GPM6A: variants seen among roughly 807,000 people sequenced by gnomAD.
The protein encoded by GPM6A is glycoprotein M6A.
Under a neutral mutation model 32.1 loss-of-function variants are expected in GPM6A, and 7 were observed. That is an observed-to-expected ratio of 0.22 (90% CI 0.12 to 0.41). The LOEUF is 0.41. GPM6A is among the 10% of genes least tolerant of loss of function. The pLI is 1.00. For synonymous variants in GPM6A, 130 were observed against 123.4 expected (o/e 1.05, Z -0.35); for missense variants, 235 against 347.2 (o/e 0.68, Z 2.57).
At chr4:175,706,374 C>T (rs1745193412) in intron 1 of GPM6A, among the ~76,000 whole-genome samples, 1 of 151,886 alleles carries the variant, frequency 6.6e-6, no homozygotes, top group African/African-American at 2.4e-5. Context: ...TGCATCAAAA[C>T]AAATAAAGGG....
chr4:175,733,204 T>C (rs1410582930), intron 1 of GPM6A, among the ~76,000 whole-genome samples: 1 of 152,050 alleles, frequency 6.6e-6, no homozygotes, highest in African/African-American at 2.4e-5. Flanking sequence ...GTTCAAACTA[T>C]GGTTAAAAAA....
intron 1 of GPM6A, among the ~76,000 whole-genome samples, chr4:175,714,559 T>A (rs1351334584): frequency 7.3e-6 from 1 of 136,390 alleles, no homozygotes; most frequent in Non-Finnish European, 1.6e-5. Context: ...ACCAAGACTT[T>A]CAATGCATTG....
chr4:175,738,277 A>T (rs1400128636), intron 1 of GPM6A, among the ~76,000 whole-genome samples: 1 of 151,980 alleles, frequency 6.6e-6, no homozygotes, highest in East Asian at 1.9e-4. Flanking sequence ...TTCAACATGA[A>T]ATTTGGAGGG....
intron 1 of GPM6A, among the ~76,000 whole-genome samples, chr4:175,982,579 A>T (rs2126444662): frequency 6.6e-6 from 1 of 152,210 alleles, no homozygotes; most frequent in East Asian, 1.9e-4. Context: ...TTATCTCTAG[A>T]GTTTGTTCTC....
At chr4:175,756,172 G>C (rs1732517484) in intron 1 of GPM6A, among the ~76,000 whole-genome samples, 1 of 152,002 alleles carries the variant, frequency 6.6e-6, no homozygotes, top group African/African-American at 2.4e-5. Context: ...AAGACTTAAG[G>C]AAAGAAGAGA....
At chr4:175,943,674 G>A (rs79828105) in intron 1 of GPM6A, among the ~76,000 whole-genome samples, 8,281 of 152,208 alleles carry the variant, frequency 0.054, 694 homozygotes, top group African/African-American at 0.18. Flanking sequence ...TTATGTGATG[G>A]ATGATGTGTA....
At chr4:175,696,544 A>G (rs1579395892) in intron 2 of GPM6A, among the ~76,000 whole-genome samples, 2 of 152,228 alleles carry the variant, frequency 1.3e-5, no homozygotes, top group East Asian at 1.9e-4. Flanking sequence ...AAAGTTAGGA[A>G]TTCAGTATGG....
At chr4:175,650,306 ATTTATTTATT>A (rs1327731110) in intron 4 of GPM6A, among the ~76,000 whole-genome samples, 4 of 144,856 alleles carry the variant, frequency 2.8e-5, no homozygotes, top group Non-Finnish European at 6.0e-5. Context: ...TTATTTATTT[ATTTATTTATT>A]TATTTTGAGA....
intron 1 of GPM6A, among the ~76,000 whole-genome samples, chr4:175,810,517 T>C (rs925476462): frequency 1.6e-4 from 24 of 152,124 alleles, no homozygotes; most frequent in African/African-American, 5.3e-4. Context: ...AGAAAGCTTT[T>C]CAGTGTTACC....
intron 1 of GPM6A, among the ~76,000 whole-genome samples, chr4:175,925,864 T>G (rs1240609085): frequency 1.3e-5 from 2 of 150,880 alleles, no homozygotes; most frequent in Non-Finnish European, 3.0e-5. Context: ...TTTTTTTTTT[T>G]TCTTTGAGAG....
intron 1 of GPM6A, among the ~76,000 whole-genome samples, chr4:175,732,785 C>T (rs1263489551): frequency 6.6e-6 from 1 of 152,052 alleles, no homozygotes. Flanking sequence ...TTTTCATTTA[C>T]CTCAGAGAAA....
chr4:175,893,674 G>A (rs1428673872), intron 1 of GPM6A, among the ~76,000 whole-genome samples: 1 of 151,992 alleles, frequency 6.6e-6, no homozygotes, highest in African/African-American at 2.4e-5. Context: ...AGACAGGTGG[G>A]GATGATAACT....
intron 1 of GPM6A, among the ~76,000 whole-genome samples, chr4:175,982,167 G>A (rs1002972549): frequency 6.6e-6 from 1 of 151,704 alleles, no homozygotes; most frequent in African/African-American, 2.4e-5. Flanking sequence ...TATATGTTTC[G>A]CAAATGATTT....
intron 1 of GPM6A, among the ~76,000 whole-genome samples, chr4:175,918,184 A>G (rs9686024): frequency 0.18 from 26,729 of 152,034 alleles, 2,574 homozygotes; most frequent in African/African-American, 0.23. Flanking sequence ...TATAATGAAG[A>G]CATATTTCAG....
chr4:175,858,424 CG>C (rs898591742), intron 1 of GPM6A, among the ~76,000 whole-genome samples: 1 of 151,336 alleles, frequency 6.6e-6, no homozygotes, highest in African/African-American at 2.4e-5. Flanking sequence ...CTCAGCTACT[CG>C]GGAGGCTGAG....
intron 6 of GPM6A, among the ~76,000 whole-genome samples, chr4:175,635,679 T>C (rs143121478): frequency 1.3e-5 from 2 of 152,162 alleles, no homozygotes; most frequent in Non-Finnish European, 2.9e-5. Context: ...AAGCTCCTGG[T>C]TTGTCTTGAG....
upstream of GPM6A, chr4:175,812,287 T>C (rs1734950625): frequency 6.4e-6 from 8 of 1,241,932 alleles, no homozygotes; most frequent in East Asian, 2.7e-4. Context: ...AATTAGATGT[T>C]GGAAAAACTG....
At chr4:175,641,872 T>G (rs1379582624) in intron 4 of GPM6A, 1 of 152,180 alleles carries the variant, frequency 6.6e-6, no homozygotes, top group East Asian at 1.9e-4. Flanking sequence ...CTGTTTTTAG[T>G]AGAGACGAGT....
At chr4:175,675,690 C>A (rs1225654589) in intron 2 of GPM6A, among the ~76,000 whole-genome samples, 2 of 152,104 alleles carry the variant, frequency 1.3e-5, no homozygotes, top group Admixed American at 6.6e-5. Context: ...CCCTCTGTCA[C>A]CCTGACTGGA....
Sources: allele counts gnomAD v4.1 joint callset (sites outside exome capture counted in the v4.1 genomes callset), GRCh38; gene constraint gnomAD v4.1.1; transcripts MANE v1.5; gene names NCBI Gene and HGNC (gene_info 2026-07-23, HGNC 2026-07-21).